Variants in PARD3B observed in about 807,000 individuals in gnomAD.
PARD3B encodes par-3 family cell polarity regulator beta, also known as partitioning defective 3 homolog B.
Under a neutral mutation model 130.2 loss-of-function variants are expected in PARD3B, and 103 were observed. That is an observed-to-expected ratio of 0.79 (90% CI 0.67 to 0.93). The LOEUF (loss-of-function observed/expected upper bound fraction) is 0.93, where lower values mean the gene tolerates loss of function less well. PARD3B is among the 40% of genes least tolerant of loss of function. The pLI, the probability that PARD3B is intolerant of heterozygous loss-of-function variation, is 0.00. For synonymous variants in PARD3B, 583 were observed against 553.2 expected (o/e 1.05, Z -0.76); for missense variants, 1,609 against 1,499.2 (o/e 1.07, Z -1.21).
At chr2:205,240,942 G>A (rs1357644463) in intron 15 of PARD3B, among the ~76,000 whole-genome samples, 1 of 152,166 alleles carries the variant, frequency 6.6e-6, no homozygotes, top group Non-Finnish European at 1.5e-5. Flanking sequence ...GCACTTTGAT[G>A]TTTGCCACTA....
At chr2:205,390,244 G>A (rs895369208) in intron 18 of PARD3B, among the ~76,000 whole-genome samples, 1 of 149,670 alleles carries the variant, frequency 6.7e-6, no homozygotes, top group African/African-American at 2.5e-5. Flanking sequence ...ACAATTCTAT[G>A]ATGTTCTCAT....
intron 3 of PARD3B, among the ~76,000 whole-genome samples, chr2:205,018,999 A>G (rs1007160183): frequency 6.6e-6 from 1 of 152,150 alleles, no homozygotes; most frequent in African/African-American, 2.4e-5. Flanking sequence ...TTCATAACAT[A>G]TTGTTCACCT....
intron 1 of PARD3B, among the ~76,000 whole-genome samples, chr2:204,559,803 G>A (rs1314641960): frequency 3.9e-5 from 6 of 152,196 alleles, no homozygotes; most frequent in Non-Finnish European, 7.3e-5. Flanking sequence ...GTCCATCAAT[G>A]ATAGACTGGG....
intron 2 of PARD3B, among the ~76,000 whole-genome samples, chr2:204,729,492 A>G (rs1388745345): frequency 6.6e-6 from 1 of 152,144 alleles, no homozygotes; most frequent in African/African-American, 2.4e-5. Flanking sequence ...AGTCCATCTC[A>G]CAGATGCTTA....
At chr2:204,601,455 A>G (rs1443746317) in intron 1 of PARD3B, among the ~76,000 whole-genome samples, 1 of 152,004 alleles carries the variant, frequency 6.6e-6, no homozygotes, top group Non-Finnish European at 1.5e-5. Context: ...GTGAAACCTT[A>G]TTAGAATTCC....
intron 18 of PARD3B, among the ~76,000 whole-genome samples, chr2:205,353,497 TA>T (rs139147032): frequency 2.0e-5 from 3 of 152,172 alleles, no homozygotes; most frequent in African/African-American, 7.2e-5. Flanking sequence ...GTAAATTCCT[TA>T]AAAAATGACC....
intron 15 of PARD3B, among the ~76,000 whole-genome samples, chr2:205,202,638 A>G (rs985882977): frequency 6.6e-6 from 1 of 152,194 alleles, no homozygotes; most frequent in Non-Finnish European, 1.5e-5. Context: ...GAATGAGTGA[A>G]TAAGAGGTAC....
intron 2 of PARD3B, among the ~76,000 whole-genome samples, chr2:204,857,769 T>G (rs1027346659): frequency 1.3e-5 from 2 of 152,094 alleles, no homozygotes; most frequent in Admixed American, 6.6e-5. Flanking sequence ...GAGAGTGACA[T>G]CCTCGATTTT....
chr2:204,559,046 A>G (rs2031129590), intron 1 of PARD3B, among the ~76,000 whole-genome samples: 1 of 152,210 alleles, frequency 6.6e-6, no homozygotes, highest in Non-Finnish European at 1.5e-5. Context: ...TTAATTCAAG[A>G]TGGATTAAAG....
intron 13 of PARD3B, among the ~76,000 whole-genome samples, chr2:205,184,381 C>A (rs533367968): frequency 6.6e-5 from 10 of 152,270 alleles, no homozygotes; most frequent in African/African-American, 1.9e-4. Context: ...ACAAGTAGAA[C>A]TTACAATCTA....
At chr2:205,031,719 G>T (rs886583668) in intron 3 of PARD3B, among the ~76,000 whole-genome samples, 1 of 152,108 alleles carries the variant, frequency 6.6e-6, no homozygotes, top group African/African-American at 2.4e-5. Context: ...TAGTGAAATT[G>T]AGGCAAAATG....
chr2:204,808,350 C>CT (rs1490384743), intron 2 of PARD3B, among the ~76,000 whole-genome samples: 1 of 151,894 alleles, frequency 6.6e-6, no homozygotes, highest in African/African-American at 2.4e-5. Flanking sequence ...TTTAACTTTT[C>CT]TTTTAGATTC....
At chr2:205,443,222 G>C (rs988242991) in intron 20 of PARD3B, among the ~76,000 whole-genome samples, 1 of 152,216 alleles carries the variant, frequency 6.6e-6, no homozygotes, top group Non-Finnish European at 1.5e-5. Flanking sequence ...TCTAAGAAGA[G>C]TTGCTATGGC....
At chr2:204,576,605 ATG>A (rs748320923) in intron 1 of PARD3B, among the ~76,000 whole-genome samples, 2 of 152,018 alleles carry the variant, frequency 1.3e-5, no homozygotes, top group South Asian at 4.2e-4. Flanking sequence ...TGACAGCAGG[ATG>A]TGTGTGTGTG....
intron 1 of PARD3B, among the ~76,000 whole-genome samples, chr2:204,679,970 TA>T (rs1179915806): frequency 6.6e-6 from 1 of 152,116 alleles, no homozygotes; most frequent in Non-Finnish European, 1.5e-5. Context: ...TTTACCTACA[TA>T]TGTAGATTTT....
At chr2:204,654,765 A>G (rs188652898) in intron 1 of PARD3B, among the ~76,000 whole-genome samples, 139 of 152,288 alleles carry the variant, frequency 9.1e-4, no homozygotes, top group African/African-American at 2.9e-3. Flanking sequence ...TTTGAAGCAT[A>G]ATACTCACTT....
At chr2:205,043,610 T>C (rs1208059455) in intron 3 of PARD3B, among the ~76,000 whole-genome samples, 1 of 152,094 alleles carries the variant, frequency 6.6e-6, no homozygotes, top group Non-Finnish European at 1.5e-5. Context: ...TTATGTTTCC[T>C]TTACTCCCTA....
At chr2:204,703,702 A>G (rs2038001101) in intron 2 of PARD3B, among the ~76,000 whole-genome samples, 1 of 152,152 alleles carries the variant, frequency 6.6e-6, no homozygotes, top group Admixed American at 6.5e-5. Context: ...ATTTCATTTT[A>G]GAGGGGTACA....
At chr2:204,791,123 T>TAAA (rs11456507) in intron 2 of PARD3B, among the ~76,000 whole-genome samples, 10 of 149,546 alleles carry the variant, frequency 6.7e-5, no homozygotes, top group South Asian at 6.4e-4. Context: ...AAAAAAAGGA[T>TAAA]AAAAAAAAAA....
Sources: allele counts gnomAD v4.1 joint callset (sites outside exome capture counted in the v4.1 genomes callset), GRCh38; gene constraint gnomAD v4.1.1; transcripts MANE v1.5; gene names NCBI Gene and HGNC (gene_info 2026-07-23, HGNC 2026-07-21).